Variants in RALA observed in about 807,000 individuals in gnomAD.
RALA encodes RAS like proto-oncogene A.
RALA carries 5 observed loss-of-function variants against 24.0 expected under a neutral mutation model. The observed-to-expected ratio is 0.21, with a 90% CI of 0.11 to 0.44. The LOEUF (loss-of-function observed/expected upper bound fraction) is 0.44. RALA is among the 20% of genes least tolerant of loss of function. The pLI, the probability that RALA is intolerant of heterozygous loss-of-function variation, is 0.99. For synonymous variants in RALA, 77 were observed against 83.8 expected, an observed-to-expected ratio of 0.92 and a Z score of 0.44; for missense variants, 95 against 241.2, an observed-to-expected ratio of 0.39 and a Z score of 4.01.
chr7:39,687,262 C>T (rs1026212866), intron 2 of RALA, among the ~76,000 whole-genome samples: 5 of 152,020 alleles, frequency 3.3e-5, no homozygotes, highest in African/African-American at 1.2e-4. Flanking sequence ...CCCGTCTATA[C>T]TAAAAATACA....
chr7:39,674,098 G>C (rs944097681), intron 1 of RALA, among the ~76,000 whole-genome samples: 4 of 149,028 alleles, frequency 2.7e-5, no homozygotes, highest in Admixed American at 6.7e-5. Context: ...AAAGGTTGAG[G>C]GGGGGTGGTC....
rs1238634009 is a variant in RALA at position 39,707,866 on chromosome 7, G to A, written c.*1621G>A. On this transcript the variant is annotated 3_prime_UTR_variant, in exon 5 of 5. Coordinates refer to ENST00000005257, the MANE Select transcript of RALA (RefSeq NM_005402.4). ...ATTTCTCATAGGCTATGCCATGTGC[G>A]GAATTCAAGTTACCAATGTAACACT... 1 of 152,568 alleles carries A rather than the reference G, an allele frequency of 6.6e-6. No homozygotes were observed. The highest frequency in any genetic ancestry group is 1.9e-4 in the East Asian group (1 of 5,198). 9.5% of individuals were successfully genotyped at this position (152,568 alleles called of 1,614,324 possible). A position where few individuals can be genotyped will look rare whatever the true frequency, so the allele number is the denominator to read the frequency against.
chr7:39,624,129 GC>G (rs1791431748), intron 1 of RALA: 1 of 152,102 alleles, frequency 6.6e-6, no homozygotes, highest in Non-Finnish European at 1.5e-5. Flanking sequence ...CGTCCACGGC[GC>G]CCAAGTTCCC....
chr7:39,696,617 G>T, intron 3 of RALA, 68 bp from the exon 4 acceptor site: 1 of 1,298,376 alleles, frequency 7.7e-7, no homozygotes, highest in South Asian at 1.5e-5. Context: ...AATAGGTATG[G>T]GGCAAACAAG....
At chr7:39,653,602 AATTTATTTAGAATTT>A (rs1792053180) in intron 1 of RALA, among the ~76,000 whole-genome samples, 1 of 152,118 alleles carries the variant, frequency 6.6e-6, no homozygotes, top group South Asian at 2.1e-4. Flanking sequence ...TATTTAGAAT[AATTTATTTAGAATTT>A]ATTTATTTAG....
At position 39,707,561 on chromosome 7, in the gene RALA, C is replaced by T. The variant is rs1025293829; in HGVS notation, c.*1316C>T. 6.6e-6 allele frequency: 1 copy of T among 151,776 alleles called. No homozygotes were observed. The highest frequency in any genetic ancestry group is 1.5e-5 in the Non-Finnish European group (1 of 67,990). The allele number at this position is 151,776 out of a possible 1,614,324, so 9.4% of individuals were successfully genotyped here. Reference sequence around the variant, plus strand: ...CTGCTGGAAGAATTCTAGCATGCTACTTGGGGACATAATTTCAGTGGGAAA... The same window carrying T: ...CTGCTGGAAGAATTCTAGCATGCTATTTGGGGACATAATTTCAGTGGGAAA... On this transcript the variant is annotated 3_prime_UTR_variant, in exon 5 of 5. Transcript: ENST00000005257.
intron 1 of RALA, among the ~76,000 whole-genome samples, chr7:39,684,965 C>T (rs1219839248): frequency 6.6e-6 from 1 of 152,122 alleles, no homozygotes; most frequent in Non-Finnish European, 1.5e-5. Context: ...CCCAAGTGAA[C>T]ATGGTCCTGA....
chr7:39,696,320 A>G (rs1407367548), intron 3 of RALA, among the ~76,000 whole-genome samples: 3 of 152,210 alleles, frequency 2.0e-5, no homozygotes, highest in Non-Finnish European at 2.9e-5. Context: ...ACAAATCCCA[A>G]TTGAGAGACA....
intron 1 of RALA, among the ~76,000 whole-genome samples, chr7:39,666,316 A>G (rs1792286665): frequency 6.6e-6 from 1 of 152,170 alleles, no homozygotes; most frequent in Non-Finnish European, 1.5e-5. Context: ...GTCATGAAAA[A>G]ACACTGAGGA....
chr7:39,691,087 T>C (rs2116083627), intron 3 of RALA, among the ~76,000 whole-genome samples: 1 of 152,318 alleles, frequency 6.6e-6, no homozygotes, highest in Middle Eastern at 3.4e-3. Context: ...ACCTTCAGAA[T>C]GAATGAATTT....
In RALA at chr7:39,696,867, G is replaced by T; in HGVS notation, c.498+8G>T. On this transcript the variant is annotated splice_region_variant and intron_variant, in intron 4 of 4. Coordinates refer to ENST00000005257, the MANE Select transcript of RALA (RefSeq NM_005402.4). ...CGAGCTAATGTTGACAAGGTAACAC[G>T]TGACTCTTTACTACTGCATCATGTT... 1 of 1,607,046 alleles carries T rather than the reference G, an allele frequency of 6.2e-7. No individual in the cohort carries two copies. Among genetic ancestry groups the T allele is most frequent in the South Asian group, 1.1e-5 (1 of 89,342 alleles).
chr7:39,682,904 T>G (rs1194605456), intron 1 of RALA, among the ~76,000 whole-genome samples: 1 of 152,188 alleles, frequency 6.6e-6, no homozygotes, highest in African/African-American at 2.4e-5. Flanking sequence ...CCTCCCAAAG[T>G]GCTGGGATTA....
chr7:39,636,534 C>G (rs1389207742), intron 1 of RALA, among the ~76,000 whole-genome samples: 1 of 152,066 alleles, frequency 6.6e-6, no homozygotes, highest in Non-Finnish European at 1.5e-5. Context: ...AGGTCCAGTC[C>G]CAAGAACACT....
intron 1 of RALA, among the ~76,000 whole-genome samples, chr7:39,634,510 G>A (rs1381264865): frequency 6.6e-6 from 1 of 152,116 alleles, no homozygotes; most frequent in Non-Finnish European, 1.5e-5. Flanking sequence ...TAGTCTGAGG[G>A]AAATCTGTCT....
chr7:39,628,055 T>G (rs1331796863), intron 1 of RALA, among the ~76,000 whole-genome samples: 2 of 151,982 alleles, frequency 1.3e-5, no homozygotes. Flanking sequence ...ACCCAGCTTC[T>G]GGAATGCTAG....
intron 1 of RALA, among the ~76,000 whole-genome samples, chr7:39,628,456 G>T (rs1382871349): frequency 2.0e-5 from 3 of 151,666 alleles, no homozygotes; most frequent in African/African-American, 7.3e-5. Context: ...GCCTTTATCA[G>T]TCAAGTGCCC....
chr7:39,653,216 G>T (rs1792047487), intron 1 of RALA, among the ~76,000 whole-genome samples: 1 of 152,008 alleles, frequency 6.6e-6, no homozygotes, highest in South Asian at 2.1e-4. Flanking sequence ...TTTTAGTAGA[G>T]ATGGGGTTTC....
At chr7:39,675,477 C>T (rs187758304) in intron 1 of RALA, among the ~76,000 whole-genome samples, 213 of 152,268 alleles carry the variant, frequency 1.4e-3, no homozygotes, top group African/African-American at 5.0e-3. Context: ...TGGCTCAGCC[C>T]GTAATCCTAA....
intron 4 of RALA, among the ~76,000 whole-genome samples, chr7:39,697,829 A>C (rs1792948669): frequency 1.3e-5 from 2 of 152,220 alleles, no homozygotes; most frequent in Admixed American, 1.3e-4. Flanking sequence ...TTGCTGTCTT[A>C]AGCTTCTTAA....
Sources: allele counts gnomAD v4.1 joint callset (sites outside exome capture counted in the v4.1 genomes callset), GRCh38; gene constraint gnomAD v4.1.1; transcripts MANE v1.5; gene names NCBI Gene and HGNC (gene_info 2026-07-23, HGNC 2026-07-21).